PRDM1: variants seen among roughly 807,000 people sequenced by gnomAD.
PRDM1 encodes the protein PR domain zinc finger protein 1.
A neutral mutation model predicts 62.8 loss-of-function variants in PRDM1; 13 were observed. The ratio of observed to expected loss-of-function variants is 0.21; its 90% CI spans 0.13 to 0.33. The LOEUF (loss-of-function observed/expected upper bound fraction) is 0.33, where lower values mean the gene tolerates loss of function less well. PRDM1 is among the 10% of genes least tolerant of loss of function. The pLI, the probability that PRDM1 is intolerant of heterozygous loss-of-function variation, is 1.00. For synonymous variants in PRDM1, 396 were observed against 417.6 expected, an observed-to-expected ratio of 0.95 and a Z score of 0.63; for missense variants, 895 against 1,058.8, an observed-to-expected ratio of 0.85 and a Z score of 2.15.
At chr6:106,001,388 C>T (rs990579485) in intron 1 of PRDM1, among the ~76,000 whole-genome samples, 2 of 152,120 alleles carry the variant, frequency 1.3e-5, no homozygotes, top group African/African-American at 4.8e-5. Context: ...GAAATGTATT[C>T]ATCTTGTAGA....
At chr6:106,089,725 C>T (rs1307357765) in intron 2 of PRDM1, among the ~76,000 whole-genome samples, 1 of 152,220 alleles carries the variant, frequency 6.6e-6, no homozygotes, top group Non-Finnish European at 1.5e-5. Flanking sequence ...GAAAGTAATG[C>T]TCTTCTTATA....
At chr6:106,024,612 A>T (rs1772741889) in intron 1 of PRDM1, among the ~76,000 whole-genome samples, 1 of 152,212 alleles carries the variant, frequency 6.6e-6, no homozygotes, top group South Asian at 2.1e-4. Context: ...AATCATCTGT[A>T]CAGTGGAAGA....
chr6:106,021,871 C>A (rs1033836544), intron 1 of PRDM1, among the ~76,000 whole-genome samples: 1 of 152,194 alleles, frequency 6.6e-6, no homozygotes, highest in Admixed American at 6.5e-5. Flanking sequence ...CCACCCACCT[C>A]GGCCTCCCAA....
At chr6:106,001,466 C>A (rs1772423399) in intron 1 of PRDM1, among the ~76,000 whole-genome samples, 1 of 152,102 alleles carries the variant, frequency 6.6e-6, no homozygotes, top group African/African-American at 2.4e-5. Flanking sequence ...ATATATTCTT[C>A]TAAAAGCTTC....
intron 1 of PRDM1, among the ~76,000 whole-genome samples, chr6:106,063,790 G>A (rs751542561): frequency 6.6e-6 from 1 of 152,082 alleles, no homozygotes; most frequent in Non-Finnish European, 1.5e-5. Flanking sequence ...TGTTATTTTG[G>A]TTAATTTCCC....
chr6:106,053,448 A>G (rs1773210027), intron 1 of PRDM1, among the ~76,000 whole-genome samples: 1 of 152,150 alleles, frequency 6.6e-6, no homozygotes, highest in Non-Finnish European at 1.5e-5. Context: ...TTATAGTTTT[A>G]AAAAGAAAAA....
At chr6:106,095,935 G>A in intron 3 of PRDM1, 1 of 570,256 alleles carries the variant, frequency 1.8e-6, no homozygotes, top group Admixed American at 3.1e-5. Flanking sequence ...GGTTAGTGAT[G>A]GAGATACGGG....
chr6:106,055,192 G>A (rs1427404744), intron 1 of PRDM1, among the ~76,000 whole-genome samples: 2 of 152,178 alleles, frequency 1.3e-5, no homozygotes, highest in Admixed American at 6.5e-5. Flanking sequence ...CATTTTGGCT[G>A]TTAGGATACT....
chr6:106,039,033 G>A (rs531903099), intron 1 of PRDM1, among the ~76,000 whole-genome samples: 1 of 152,262 alleles, frequency 6.6e-6, no homozygotes, highest in Admixed American at 6.5e-5. Flanking sequence ...AAATTCAAAT[G>A]TCCCATTGCT....
At chr6:105,997,755 A>T (rs1200816568) in intron 1 of PRDM1, among the ~76,000 whole-genome samples, 2 of 152,256 alleles carry the variant, frequency 1.3e-5, no homozygotes, top group Non-Finnish European at 2.9e-5. Flanking sequence ...CATCGGAGGC[A>T]TTACAAAGTA....
chr6:106,049,602 C>T (rs1308967600), intron 1 of PRDM1, among the ~76,000 whole-genome samples: 1 of 152,144 alleles, frequency 6.6e-6, no homozygotes, highest in Admixed American at 6.5e-5. Flanking sequence ...GTTCCCCTGT[C>T]CTCCCTCCCT....
intron 1 of PRDM1, among the ~76,000 whole-genome samples, chr6:106,050,100 C>T (rs1773148856): frequency 6.6e-6 from 1 of 152,158 alleles, no homozygotes; most frequent in African/African-American, 2.4e-5. Flanking sequence ...GGAAAAGTCA[C>T]CTCATCTTAC....
In PRDM1 at chr6:106,104,937, C is replaced by T. The variant is rs1294049214; in HGVS notation, c.777C>T (p.Asn259=). The T allele has an allele frequency of 6.2e-7, 1 of 1,614,138 alleles. No homozygotes were observed. Among genetic ancestry groups the T allele is most frequent in the Non-Finnish European group, 8.5e-7 (1 of 1,180,026 alleles). ...AAGAAATCCTAAAATTGGACTCCAACCCCTCCAAAGGAAAGGACCTCTACC... is the reference window on the plus strand; with the variant it reads ...AAGAAATCCTAAAATTGGACTCCAATCCCTCCAAAGGAAAGGACCTCTACC... ...SVKEILKLDS[N]PSKGKDLYRS... The change falls in exon 5 of 7, where the codon AAC becomes AAT. Residue 259 remains asparagine (N), a synonymous_variant. Transcript: ENST00000369096.
intron 1 of PRDM1, among the ~76,000 whole-genome samples, chr6:106,016,106 A>G (rs1042876056): frequency 5.3e-5 from 8 of 152,362 alleles, no homozygotes; most frequent in Admixed American, 5.2e-4. Context: ...TTCACTTAGC[A>G]TAGCATAATG....
In PRDM1 at chr6:106,088,212, G is replaced by C. The variant is rs1773861438; in HGVS notation, c.54G>C (p.Lys18Asn). 6.2e-7 allele frequency: 1 copy of C among 1,610,786 alleles called. No individual in the cohort carries two copies. The highest frequency in any genetic ancestry group is 8.5e-7 in the Non-Finnish European group (1 of 1,178,428). The change falls in exon 2 of 7, where the codon AAG (lysine) becomes AAC (asparagine). Residue 18 changes from lysine (K) to asparagine (N), a missense_variant. Physicochemically the swap from Lys to Asn is moderately conservative, Grantham distance 94. Coordinates refer to ENST00000369096, the MANE Select transcript of PRDM1 (RefSeq NM_001198.4). ...CCTTTCTCTTCCAGGCTGCCCCCAA[G>C]TGTAACTCCAGCACTGTGAGGTTTC... ...KRVGTTLAAP[K>N]CNSSTVRFQG...
At position 106,107,964 on chromosome 6, in the gene PRDM1, T is replaced by G. The variant is rs1277540563; in HGVS notation, c.*478T>G. 1 of 232,670 alleles carries G rather than the reference T, an allele frequency of 4.3e-6. No individual in the cohort carries two copies. Among genetic ancestry groups the G allele is most frequent in the Non-Finnish European group, 8.5e-6 (1 of 117,486 alleles). 14.4% of individuals were successfully genotyped at this position (232,670 alleles called of 1,614,324 possible). A position where few individuals can be genotyped will look rare whatever the true frequency, so the allele number is the denominator to read the frequency against. ...ATTTTTGTCTTGTGGCCATTCTTTG[T>G]AGATAATTTCTGCACATCTGTATAA... On this transcript the variant is annotated 3_prime_UTR_variant, in exon 7 of 7. Transcript: ENST00000369096.
In PRDM1 at chr6:106,109,344, A is replaced by AAAT. The variant is rs1294922877; in HGVS notation, c.*1861_*1863dup. 7 of 232,950 alleles carry AAAT rather than the reference A, an allele frequency of 3.0e-5. No individual in the cohort carries two copies. Among genetic ancestry groups the AAAT allele is most frequent in the African/African-American group, 1.5e-4 (7 of 45,332 alleles). 14.4% of individuals were successfully genotyped at this position (232,950 alleles called of 1,614,324 possible). A position where few individuals can be genotyped will look rare whatever the true frequency, so the allele number is the denominator to read the frequency against. ...TTATGTGGTCACACCCAAGTCACAG[A>AAAT]AATAAAAAACTGACTTTACCGCTGC... On this transcript the variant is annotated 3_prime_UTR_variant, in exon 7 of 7. Transcript: ENST00000369096.
chr6:106,056,604 T>G (rs1338609022), intron 1 of PRDM1, among the ~76,000 whole-genome samples: 1 of 152,206 alleles, frequency 6.6e-6, no homozygotes, highest in African/African-American at 2.4e-5. Flanking sequence ...CCCTTTGTTG[T>G]GGTCAGTAAA....
chr6:106,040,267 G>A (rs1018728755), intron 1 of PRDM1, among the ~76,000 whole-genome samples: 4 of 152,216 alleles, frequency 2.6e-5, no homozygotes, highest in Non-Finnish European at 5.9e-5. Context: ...ATGGCTGAGA[G>A]TGACATGCTG....
Sources: gnomAD v4.1 joint callset for allele counts (sites outside exome capture counted in the v4.1 genomes callset) on GRCh38, gnomAD v4.1.1 for gene constraint, MANE v1.5 for transcripts, NCBI Gene and HGNC (gene_info 2026-07-23, HGNC 2026-07-21) for gene names.